Variants in ACOT7 observed in about 807,000 individuals in gnomAD.
ACOT7 encodes the protein cytosolic acyl coenzyme A thioester hydrolase.
Under a neutral mutation model 40.2 loss-of-function variants are expected in ACOT7, and 12 were observed. The ratio of observed to expected loss-of-function variants is 0.30; its 90% confidence interval spans 0.19 to 0.48. The LOEUF (loss-of-function observed/expected upper bound fraction) is 0.48. Ranked by LOEUF, ACOT7 falls within the 20% of genes least tolerant of loss-of-function variation. The pLI is 0.99. For synonymous variants in ACOT7, 228 were observed against 219.5 expected, an observed-to-expected ratio of 1.04 and a Z score of -0.34; for missense variants, 395 against 530.8, an observed-to-expected ratio of 0.74 and a Z score of 2.51.
chr1:6,271,597 G>A (rs930959906), intron 8 of ACOT7, among the ~76,000 whole-genome samples: 1 of 152,182 alleles, frequency 6.6e-6, no homozygotes, highest in African/African-American at 2.4e-5. Context: ...TGCCTTAGCG[G>A]AGCCTGTCCG....
Position 6,294,664 on chromosome 1 carries a change from T to A in ACOT7, c.829+200A>T, listed in dbSNP as rs1268063535. On this transcript the variant is annotated intron_variant, in intron 7 of 8. Transcript: ENST00000361521. This position sits in a 1 kb window ranked among gnomAD's most constrained non-coding sequence, Gnocchi z 4.6. The stretch of plus-strand genomic sequence containing the variant: ...GGATAATGGCCCCGTCATATCTGAG[T>A]CAAGGATTTTACCAGATTGAAACAT... 6.6e-6 allele frequency among the ~76,000 whole-genome samples: 1 copy of A among 152,068 alleles called. No individual in the cohort carries two copies. Among genetic ancestry groups the A allele is most frequent in the Non-Finnish European group, 1.5e-5 (1 of 68,016 alleles).
At chr1:6,307,752 G>A (rs913777769) in intron 6 of ACOT7, among the ~76,000 whole-genome samples, 3 of 152,026 alleles carry the variant, frequency 2.0e-5, no homozygotes, top group South Asian at 2.1e-4. Context: ...TGCAACAGGC[G>A]GAGGGAACTG....
chr1:6,388,381 T>C (rs1642475196), intron 1 of ACOT7, among the ~76,000 whole-genome samples: 1 of 151,188 alleles, frequency 6.6e-6, no homozygotes. Flanking sequence ...AGTGCTGGGA[T>C]TACAGGCGTG....
chr1:6,312,509 G>T (rs141692076), intron 6 of ACOT7, among the ~76,000 whole-genome samples: 1 of 149,458 alleles, frequency 6.7e-6, no homozygotes, highest in Non-Finnish European at 1.5e-5. Flanking sequence ...TGTCACCCAG[G>T]CTGGCTGGAT....
chr1:6,377,963 G>C (rs1642264432), intron 1 of ACOT7, among the ~76,000 whole-genome samples: 1 of 152,076 alleles, frequency 6.6e-6, no homozygotes, highest in Non-Finnish European at 1.5e-5. Context: ...CCAGCTACTC[G>C]GGAGGCTGAG....
intron 8 of ACOT7, among the ~76,000 whole-genome samples, chr1:6,276,327 C>T (rs892232834): frequency 1.3e-5 from 2 of 152,154 alleles, no homozygotes; most frequent in African/African-American, 2.4e-5. Flanking sequence ...TGTCCCTCCC[C>T]ACAAGCCACT....
intron 1 of ACOT7, among the ~76,000 whole-genome samples, chr1:6,365,785 T>G (rs1641998034): frequency 6.7e-6 from 1 of 148,640 alleles, no homozygotes; most frequent in South Asian, 2.1e-4. Flanking sequence ...AAAAAAAAAT[T>G]TATTGCTAAA....
chr1:6,342,561 G>A (rs1641305927), intron 2 of ACOT7, among the ~76,000 whole-genome samples: 1 of 152,186 alleles, frequency 6.6e-6, no homozygotes, highest in South Asian at 2.1e-4. Context: ...AACTCCTCCT[G>A]GGCTCAAGCG....
At chr1:6,281,441 G>A (rs576970401) in intron 7 of ACOT7, among the ~76,000 whole-genome samples, 155 bp from the exon 8 acceptor site, 3 of 152,356 alleles carry the variant, frequency 2.0e-5, no homozygotes, top group African/African-American at 7.2e-5. Flanking sequence ...ATTAGAATGT[G>A]TCGTTAGTTG....
At chr1:6,333,387 ACCCTTAG>A in intron 4 of ACOT7, 83 bp downstream of exon 4, 1 of 1,445,640 alleles carries the variant, frequency 6.9e-7, no homozygotes, top group Non-Finnish European at 9.6e-7. Context: ...CTCCCTTGAG[ACCCTTAG>A]CTGAACGAGC....
At chr1:6,308,562 G>C (rs907586624) in intron 6 of ACOT7, among the ~76,000 whole-genome samples, 5 of 151,150 alleles carry the variant, frequency 3.3e-5, no homozygotes, top group Non-Finnish European at 7.4e-5. Context: ...CAGGCGGAGG[G>C]AACAGCAACC....
intron 5 of ACOT7, among the ~76,000 whole-genome samples, chr1:6,323,740 ATATATAT>A (rs1640722750): frequency 2.5e-3 from 191 of 77,928 alleles, no homozygotes; most frequent in East Asian, 0.013. Context: ...AAAAAAAAAT[ATATATAT>A]ATATATATAT....
intron 6 of ACOT7, among the ~76,000 whole-genome samples, chr1:6,300,696 C>T (rs1327357148): frequency 6.7e-6 from 1 of 148,378 alleles, no homozygotes; most frequent in Non-Finnish European, 1.5e-5. Flanking sequence ...CGCAGCCAGC[C>T]CCTCCCCTCT....
Position 6,333,503 on chromosome 1 carries a change from T to G in ACOT7, c.484A>C (p.Lys162Gln), listed in dbSNP as rs772953044. ...ACAACAGGAGGCACCTCGAGGACCT[T>G]GTCCACATTCTTCAGCGACAGGGGC... Reference protein sequence around the residue: ...YVPLSLKNVDKVLEVPPVVYS... With the variant: ...YVPLSLKNVDQVLEVPPVVYS... Residue 162 changes from lysine to glutamine, a missense_variant, in exon 4 of 9, where the codon AAG becomes CAG. Around this residue, in one of 2 missense-constraint regions of ACOT7, gnomAD observed 309 missense variants for 470.3 expected, o/e 0.66. Transcript: ENST00000361521. 1 of 1,614,160 alleles carries G rather than the reference T, an allele frequency of 6.2e-7. No homozygotes were observed. Among genetic ancestry groups the G allele is most frequent in the African/African-American group, 1.3e-5 (1 of 75,042 alleles).
At chr1:6,272,444 G>C (rs747250230) in intron 8 of ACOT7, among the ~76,000 whole-genome samples, 3 of 152,206 alleles carry the variant, frequency 2.0e-5, no homozygotes, top group Non-Finnish European at 4.4e-5. Flanking sequence ...AAGATGAGAT[G>C]AGAGTGTCCA....
At chr1:6,348,239 C>T (rs529305800) in intron 2 of ACOT7, among the ~76,000 whole-genome samples, 1 of 152,302 alleles carries the variant, frequency 6.6e-6, no homozygotes, top group Admixed American at 6.5e-5. Context: ...ACTCCTGAAC[C>T]TGTACCACAC....
chr1:6,346,692 C>CA (rs1641434217), intron 2 of ACOT7, among the ~76,000 whole-genome samples: 1 of 152,234 alleles, frequency 6.6e-6, no homozygotes, highest in African/African-American at 2.4e-5. Flanking sequence ...AACCAGGCAG[C>CA]AGGGACCAGC....
At chr1:6,356,595 T>C (rs901865511) in intron 1 of ACOT7, among the ~76,000 whole-genome samples, 1 of 151,918 alleles carries the variant, frequency 6.6e-6, no homozygotes, top group Non-Finnish European at 1.5e-5. Context: ...CAGCTGGGAG[T>C]GTCACCAGTG....
At chr1:6,374,686 C>T (rs1395577503) in intron 1 of ACOT7, among the ~76,000 whole-genome samples, 1 of 152,176 alleles carries the variant, frequency 6.6e-6, no homozygotes, top group East Asian at 1.9e-4. Context: ...GCCTGGAGGG[C>T]CTCAGTGTCT....
Sources: gnomAD v4.1 joint callset for allele counts (sites outside exome capture counted in the v4.1 genomes callset) on GRCh38, gnomAD v4.1.1 for gene constraint, gnomAD v4.1.1 regional missense constraint, Gnocchi (gnomAD v3.1) non-coding constraint, MANE v1.5 for transcripts, NCBI Gene and HGNC (gene_info 2026-07-23, HGNC 2026-07-21) for gene names.